DCTN4: variants seen among roughly 807,000 people sequenced by gnomAD.
The protein encoded by DCTN4 is dynactin subunit 4.
In DCTN4, 23 loss-of-function variants were observed where a neutral mutation model predicts 62.7. The ratio of observed to expected loss-of-function variants is 0.37; its 90% CI spans 0.26 to 0.52. DCTN4 has a LOEUF of 0.52. Ranked by LOEUF, DCTN4 falls within the 20% of genes least tolerant of loss-of-function variation. The pLI is 0.92. For synonymous variants in DCTN4, 199 were observed against 202.1 expected, an observed-to-expected ratio of 0.98 and a Z score of 0.13; for missense variants, 514 against 580.4, an observed-to-expected ratio of 0.89 and a Z score of 1.18.
chr5:150,740,629 G>A (rs1260549455), intron 4 of DCTN4, among the ~76,000 whole-genome samples: 5 of 152,086 alleles, frequency 3.3e-5, no homozygotes, highest in East Asian at 3.8e-4. Context: ...ATTCACAGCC[G>A]CAAAAATAGG....
In DCTN4 at chr5:150,733,380, A is replaced by G. The variant is rs779558328; in HGVS notation, c.525T>C (p.Pro175=). The G allele has an allele frequency of 6.2e-7, 1 of 1,610,978 alleles. No homozygotes were observed. The highest frequency in any genetic ancestry group is 1.7e-5 in the Admixed American group (1 of 59,406). Residue 175 remains proline (P), a synonymous_variant, in exon 5 of 13, where the codon CCT becomes CCC. Transcript: ENST00000447998. ...KKLARRRNYM[P]LAFSDKYGLG... ...ACCAAATTCTCACCGAAAAAGCCAG[A>G]GGCATATAGTTTCTACGTCGTGCCA...
intron 4 of DCTN4, among the ~76,000 whole-genome samples, chr5:150,740,057 C>T (rs1464987492): frequency 6.6e-6 from 1 of 151,928 alleles, no homozygotes; most frequent in East Asian, 1.9e-4. Context: ...GCAAATGCAA[C>T]AAAAACAAAA....
intron 3 of DCTN4, among the ~76,000 whole-genome samples, chr5:150,748,916 A>G (rs1181683906): frequency 6.6e-6 from 1 of 151,784 alleles, no homozygotes; most frequent in Non-Finnish European, 1.5e-5. Context: ...GTGCACATGT[A>G]CCCTAAAACT....
chr5:150,733,657 G>A (rs904825845), intron 4 of DCTN4, 182 bp from the exon 5 acceptor site: 3 of 466,286 alleles, frequency 6.4e-6, no homozygotes, highest in East Asian at 3.5e-5. Flanking sequence ...AAGTGAAATG[G>A]AAAACTGAAG....
intron 4 of DCTN4, among the ~76,000 whole-genome samples, chr5:150,741,150 G>A (rs1229726991): frequency 5.3e-5 from 7 of 131,034 alleles, no homozygotes; most frequent in Non-Finnish European, 1.1e-4. Flanking sequence ...GGGTGACAGA[G>A]TGAGATCCTG....
intron 3 of DCTN4, among the ~76,000 whole-genome samples, chr5:150,752,110 ACG>A (rs1217145602): frequency 6.6e-6 from 1 of 152,290 alleles, no homozygotes; most frequent in East Asian, 1.9e-4. Context: ...AAAAAAAAAT[ACG>A]GAGTTAGTGA....
At chr5:150,717,532 G>A (rs926323429) in intron 11 of DCTN4, among the ~76,000 whole-genome samples, 1 of 152,196 alleles carries the variant, frequency 6.6e-6, no homozygotes, top group African/African-American at 2.4e-5. Context: ...ACAGGCGTGA[G>A]CCACCAAGCC....
chr5:150,742,023 A>T, intron 4 of DCTN4, 91 bp downstream of exon 4: 1 of 1,067,028 alleles, frequency 9.4e-7, no homozygotes, highest in South Asian at 1.3e-5. Flanking sequence ...TTATAAACAC[A>T]GCTCATATCT....
intron 10 of DCTN4, among the ~76,000 whole-genome samples, 167 bp from the exon 11 acceptor site, chr5:150,718,550 C>T (rs1283992379): frequency 6.6e-6 from 1 of 152,200 alleles, no homozygotes. Context: ...GTTCTATTAT[C>T]TATATGTTAG....
intron 12 of DCTN4, among the ~76,000 whole-genome samples, chr5:150,714,526 GC>G (rs1759686949): frequency 6.6e-6 from 1 of 151,770 alleles, no homozygotes; most frequent in Admixed American, 6.6e-5. Context: ...ACAAGCATGC[GC>G]TGCTACACCT....
chr5:150,722,866 C>G lies in DCTN4; in HGVS notation c.908+41G>C, dbSNP rs778195504. The G allele has an allele frequency of 2.6e-6, 4 of 1,529,920 alleles. No individual in the cohort carries two copies. In the South Asian group the frequency reaches 4.6e-5, roughly 18 times the overall value. 94.8% of individuals were successfully genotyped at this position (1,529,920 alleles called of 1,614,324 possible). A position where few individuals can be genotyped will look rare whatever the true frequency, so the allele number is the denominator to read the frequency against. ...GGGGAAGAAGAATAAACCAAAATAA[C>G]TCAAAACAGTAACTGAAAACACCAA... is the stretch of plus-strand genomic sequence containing the variant. On this transcript the variant is annotated intron_variant, in intron 9 of 12. Transcript: ENST00000447998.
At chr5:150,755,817 T>C (rs890563097) in intron 2 of DCTN4, among the ~76,000 whole-genome samples, 1 of 152,192 alleles carries the variant, frequency 6.6e-6, no homozygotes, top group Non-Finnish European at 1.5e-5. Flanking sequence ...TATTGGTTCA[T>C]TAATTGTAAC....
Position 150,731,712 on chromosome 5 carries a change from A to G in DCTN4, c.538-223T>C. 8.9e-6 allele frequency: 6 copies of G among 671,106 alleles called. No individual in the cohort carries two copies. In the South Asian group the frequency reaches 1.1e-4, roughly 13 times the overall value. 41.6% of individuals were successfully genotyped at this position (671,106 alleles called of 1,614,324 possible). On this transcript the variant is annotated intron_variant, in intron 5 of 12. Coordinates refer to ENST00000447998, the MANE Select transcript of DCTN4 (RefSeq NM_016221.4). ...ACATGGAGATTGAAACTATATTAAT[A>G]CAGTAAAAATGAACCAAATGTGAGC...
chr5:150,731,236 A>G, intron 6 of DCTN4, 80 bp from the exon 7 acceptor site: 3 of 1,044,588 alleles, frequency 2.9e-6, no homozygotes, highest in Admixed American at 1.9e-5. Flanking sequence ...TCAGTCTATG[A>G]TATCAATAAT....
Position 150,708,816 on chromosome 5 carries a change from TA to T in DCTN4, c.*2332del, listed in dbSNP as rs745917926. The T allele has an allele frequency of 6.5e-6, 1 of 152,830 alleles. No homozygotes were observed. 9.5% of individuals were successfully genotyped at this position (152,830 alleles called of 1,614,324 possible). A position where few individuals can be genotyped will look rare whatever the true frequency, so the allele number is the denominator to read the frequency against. On this transcript the variant is annotated 3_prime_UTR_variant, in exon 13 of 13. Transcript: ENST00000447998. ...AGGCAAAACAGTAACCTGTCATTCA[TA>T]AAGATCAAGGAGTACCTCTCTGTCC... is the stretch of plus-strand genomic sequence containing the variant.
chr5:150,733,327 C>A, intron 5 of DCTN4, 41 bp downstream of exon 5: 3 of 1,417,370 alleles, frequency 2.1e-6, no homozygotes, highest in Non-Finnish European at 3.0e-6. Flanking sequence ...TGTTCTTAGG[C>A]CTTAGAGGTC....
chr5:150,728,842 C>T (rs1391918490), intron 8 of DCTN4, among the ~76,000 whole-genome samples: 2 of 151,224 alleles, frequency 1.3e-5, no homozygotes, highest in African/African-American at 2.4e-5. Flanking sequence ...AATACTGATA[C>T]ATCTGGATTT....
chr5:150,716,780 G>A (rs751128253), intron 11 of DCTN4, among the ~76,000 whole-genome samples: 4 of 151,990 alleles, frequency 2.6e-5, no homozygotes, highest in East Asian at 1.9e-4. Context: ...TTAGCCGGGC[G>A]TGGTGGCAGG....
At position 150,709,794 on chromosome 5, in the gene DCTN4, A is replaced by G. The variant is rs574272159; in HGVS notation, c.*1355T>C. The G allele has an allele frequency of 6.6e-4, 101 of 152,424 alleles. 1 individual carries two copies. The highest frequency in any genetic ancestry group is 2.3e-3 in the African/African-American group (95 of 41,558). The allele number at this position is 152,424 out of a possible 1,614,324, so 9.4% of individuals were successfully genotyped here. The stretch of plus-strand genomic sequence containing the variant: ...ATTCTACATTATAATGTTATCTTTA[A>G]TTTTTTAAGACTTAAAACAAGACCA... On this transcript the variant is annotated 3_prime_UTR_variant, in exon 13 of 13. Coordinates refer to ENST00000447998, the MANE Select transcript of DCTN4 (RefSeq NM_016221.4).
Sources: gnomAD v4.1 joint callset for allele counts (sites outside exome capture counted in the v4.1 genomes callset) on GRCh38, gnomAD v4.1.1 for gene constraint, MANE v1.5 for transcripts, NCBI Gene and HGNC (gene_info 2026-07-23, HGNC 2026-07-21) for gene names.